LSM8: variants seen among roughly 807,000 people sequenced by gnomAD.
The protein encoded by LSM8 is LSM8 homolog, U6 small nuclear RNA associated.
LSM8 carries 14 observed loss-of-function variants against 15.0 expected under a neutral mutation model. That is an observed-to-expected ratio of 0.93 (90% CI 0.62 to 1.46). LSM8 has a LOEUF of 1.46. Among genes scored for constraint, LSM8 ranks in the 40% most tolerant of loss-of-function variants. LSM8 has a pLI of 0.00. For synonymous variants in LSM8, 50 were observed against 42.1 expected (o/e 1.19, Z -0.73); for missense variants, 90 against 115.4 (o/e 0.78, Z 1.01).
In LSM8 at chr7:118,193,024, G is replaced by T. The variant is rs1562862914; in HGVS notation, c.*1022G>T. Among the ~76,000 whole-genome samples the T allele has an allele frequency of 6.6e-6, 1 of 152,058 alleles. No individual in the cohort carries two copies. Among genetic ancestry groups the T allele is most frequent in the Non-Finnish European group, 1.5e-5 (1 of 67,950 alleles). ...GTGTCTTTGTGATGAGAAGAACATA[G>T]AAAAATATTTACATCCTTGTAATTG... On this transcript the variant is annotated 3_prime_UTR_variant, in exon 4 of 4. Transcript: ENST00000249299.
At position 118,199,911 on chromosome 7, in the gene LSM8, T is replaced by A. The variant is rs1167453687; in HGVS notation, c.*7909T>A. On this transcript the variant is annotated 3_prime_UTR_variant, in exon 4 of 4. Transcript: ENST00000249299. Reference sequence around the variant, plus strand: ...TATAGCAATTTAATAAATGTGTTATTGTCAATGTAGGCATTTTGCTCATAG... The same window carrying A: ...TATAGCAATTTAATAAATGTGTTATAGTCAATGTAGGCATTTTGCTCATAG... Among the ~76,000 whole-genome samples, 1 of 152,136 alleles carries A rather than the reference T, an allele frequency of 6.6e-6. No individual in the cohort carries two copies.
intron 1 of LSM8, 142 bp from the exon 2 acceptor site, chr7:118,185,512 T>G: frequency 1.4e-6 from 1 of 725,044 alleles, no homozygotes. Flanking sequence ...CTTTTAACGT[T>G]TTTATGTAGT....
rs746165853 is a variant in LSM8 at position 118,184,202 on chromosome 7, C to T, written c.-22C>T. 3.9e-6 allele frequency: 6 copies of T among 1,542,942 alleles called. No individual in the cohort carries two copies. Among genetic ancestry groups the T allele is most frequent in the Non-Finnish European group, 4.4e-6 (5 of 1,143,070 alleles). ...TTGCTGTCGGCACCGCTGCGTTACC[C>T]GGAACCGCCGGGCCGAACAGCATGA... On this transcript the variant is annotated 5_prime_UTR_variant, in exon 1 of 4. Coordinates refer to ENST00000249299, the MANE Select transcript of LSM8 (RefSeq NM_016200.5).
rs1809015510 is a variant in LSM8, at chr7:118,193,246, G to A, written c.*1244G>A. Among the ~76,000 whole-genome samples the A allele has an allele frequency of 1.3e-5, 2 of 152,012 alleles. No homozygotes were observed. Among genetic ancestry groups the A allele is most frequent in the Non-Finnish European group, 2.9e-5 (2 of 67,942 alleles). ...ATAAATGAATAGTGGCTGTCTTCCA[G>A]TAAAACTTCATTTATAAAAATGGAG... is the stretch of plus-strand genomic sequence containing the variant. On this transcript the variant is annotated 3_prime_UTR_variant, in exon 4 of 4. Transcript: ENST00000249299.
rs1322104406 is a variant in LSM8, at chr7:118,192,813, A to T, written c.*811A>T. ...TTATAAATGTGAGTAAATAAACTCT[A>T]AGTTTGTATTGAAGTAGTGCTAGCT... is the stretch of plus-strand genomic sequence containing the variant. On this transcript the variant is annotated 3_prime_UTR_variant, in exon 4 of 4. Coordinates refer to ENST00000249299, the MANE Select transcript of LSM8 (RefSeq NM_016200.5). The T allele has an allele frequency of 6.6e-6, 1 of 152,174 alleles. No homozygotes were observed. Among genetic ancestry groups the T allele is most frequent in the African/African-American group, 2.4e-5 (1 of 41,446 alleles). 9.4% of individuals were successfully genotyped at this position (152,174 alleles called of 1,614,324 possible).
chr7:118,192,247 A>G lies in LSM8; in HGVS notation c.*245A>G. On this transcript the variant is annotated 3_prime_UTR_variant, in exon 4 of 4. Coordinates refer to ENST00000249299, the MANE Select transcript of LSM8 (RefSeq NM_016200.5). ...GTGTGAAAATATAATGGGCATTTTG[A>G]AAACTTTTAGAAAAAAGTAGTACTT... 3.2e-6 allele frequency: 1 copy of G among 312,254 alleles called. No individual in the cohort carries two copies. Among genetic ancestry groups the G allele is most frequent in the South Asian group, 6.7e-5 (1 of 14,968 alleles). 19.3% of individuals were successfully genotyped at this position (312,254 alleles called of 1,614,324 possible).
Position 118,197,003 on chromosome 7 carries a change from A to C in LSM8, c.*5001A>C, listed in dbSNP as rs1177794789. Among the ~76,000 whole-genome samples, 1 of 152,010 alleles carries C rather than the reference A, an allele frequency of 6.6e-6. No individual in the cohort carries two copies. The highest frequency in any genetic ancestry group is 1.5e-5 in the Non-Finnish European group (1 of 68,018). Reference sequence around the variant, plus strand: ...CGGCGTCCCAAAGTGCTGGAATTACAGGCATGAACCACCACGCCCAGCCTA... The same window carrying C: ...CGGCGTCCCAAAGTGCTGGAATTACCGGCATGAACCACCACGCCCAGCCTA... On this transcript the variant is annotated 3_prime_UTR_variant, in exon 4 of 4. Transcript: ENST00000249299.
In LSM8 at chr7:118,202,189, A is replaced by G. The variant is rs1809182305; in HGVS notation, c.*10187A>G. On this transcript the variant is annotated 3_prime_UTR_variant, in exon 4 of 4. Coordinates refer to ENST00000249299, the MANE Select transcript of LSM8 (RefSeq NM_016200.5). Reference sequence around the variant, plus strand: ...GTTTTTGTTTTTGCTTGTGTCACACATAATGCTGATGAAGAAACCATGAAG... The same window carrying G: ...GTTTTTGTTTTTGCTTGTGTCACACGTAATGCTGATGAAGAAACCATGAAG... Among the ~76,000 whole-genome samples the G allele has an allele frequency of 6.6e-6, 1 of 152,102 alleles. No homozygotes were observed. The highest frequency in any genetic ancestry group is 6.6e-5 in the Admixed American group (1 of 15,240).
intron 2 of LSM8, among the ~76,000 whole-genome samples, chr7:118,186,935 G>A (rs62466468): frequency 0.069 from 10,430 of 151,944 alleles, 383 homozygotes; most frequent in East Asian, 0.11. Context: ...TATTTTTGTT[G>A]ACAGGGTAGA....
intron 2 of LSM8, among the ~76,000 whole-genome samples, chr7:118,186,995 T>C (rs1041928072): frequency 2.6e-5 from 4 of 152,194 alleles, no homozygotes; most frequent in Non-Finnish European, 5.9e-5. Context: ...GAAAGTGATA[T>C]AAAAAGCATC....
chr7:118,185,503 T>TTTTA, intron 1 of LSM8, 151 bp from the exon 2 acceptor site: 1 of 685,458 alleles, frequency 1.5e-6, no homozygotes, highest in Non-Finnish European at 2.5e-6. Flanking sequence ...TCTAAGAAAC[T>TTTTA]TTTAACGTTT....
rs867117681 is a variant in LSM8, at chr7:118,194,578, G to A, written c.*2576G>A. Among the ~76,000 whole-genome samples, 1 of 151,972 alleles carries A rather than the reference G, an allele frequency of 6.6e-6. No homozygotes were observed. The highest frequency in any genetic ancestry group is 1.9e-4 in the East Asian group (1 of 5,190). ...TTATAACATCCTTCGGAATTTTTAA[G>A]GTAATAATGTGAGATATAAGTATGA... On this transcript the variant is annotated 3_prime_UTR_variant, in exon 4 of 4. Transcript: ENST00000249299.
chr7:118,187,167 TAC>T (rs1808901728), intron 2 of LSM8, among the ~76,000 whole-genome samples: 1 of 152,178 alleles, frequency 6.6e-6, no homozygotes, highest in African/African-American at 2.4e-5. Flanking sequence ...TCTTCCAAGT[TAC>T]AGATTTCATT....
rs1030083610 is a variant in LSM8, at chr7:118,196,520, C to T, written c.*4518C>T. ...TCATTAGTTAACAGTATGCCATCTC[C>T]TACTTACTGGCATCATCTGGGGAAT... is the stretch of plus-strand genomic sequence containing the variant. On this transcript the variant is annotated 3_prime_UTR_variant, in exon 4 of 4. Coordinates refer to ENST00000249299, the MANE Select transcript of LSM8 (RefSeq NM_016200.5). Among the ~76,000 whole-genome samples the T allele has an allele frequency of 1.5e-5, 2 of 131,884 alleles. No individual in the cohort carries two copies. The highest frequency in any genetic ancestry group is 8.0e-5 in the Admixed American group (1 of 12,472). The allele number at this position is 131,884 out of a possible 152,430, so 86.5% of individuals were successfully genotyped here.
chr7:118,185,611 A>G lies in LSM8; in HGVS notation c.32-43A>G, dbSNP rs1271052585. The G allele has an allele frequency of 2.6e-6, 4 of 1,539,696 alleles. No homozygotes were observed. In the African/African-American group the frequency reaches 4.1e-5, roughly 16 times the overall value. On this transcript the variant is annotated intron_variant, in intron 1 of 3. Transcript: ENST00000249299. ...ATTCCCTTGCCAGAGTCTGTTTTCA[A>G]TTTGCATTCCCTAAGAAACACTTTC...
At position 118,195,039 on chromosome 7, in the gene LSM8, A is replaced by G. The variant is rs1018735143; in HGVS notation, c.*3037A>G. Among the ~76,000 whole-genome samples, 4 of 152,318 alleles carry G rather than the reference A, an allele frequency of 2.6e-5. No individual in the cohort carries two copies. Among genetic ancestry groups the G allele is most frequent in the East Asian group, 3.9e-4 (2 of 5,190 alleles). The stretch of plus-strand genomic sequence containing the variant: ...TCTTAAAATCTGCTATCAAGCATCT[A>G]TCAGAAGCCTGATGAGAAATATTCA... On this transcript the variant is annotated 3_prime_UTR_variant, in exon 4 of 4. Coordinates refer to ENST00000249299, the MANE Select transcript of LSM8 (RefSeq NM_016200.5).
chr7:118,190,451 T>TA (rs1808959481), intron 3 of LSM8: 2 of 152,204 alleles, frequency 1.3e-5, no homozygotes, highest in African/African-American at 4.8e-5. Flanking sequence ...AGCATATTGT[T>TA]ATATTTTAAG....
At position 118,184,168 on chromosome 7, in the gene LSM8, C is replaced by G; in HGVS notation, c.-56C>G. The G allele has an allele frequency of 2.6e-6, 4 of 1,543,708 alleles. No individual in the cohort carries two copies. The South Asian group carries it at 4.8e-5, about 18-fold the overall frequency. ...GCTGCCGGGTTCTGGCGCGCCCTTT[C>G]AGTTCTGCTTGCTGTCGGCACCGCT... On this transcript the variant is annotated 5_prime_UTR_variant, in exon 1 of 4. Coordinates refer to ENST00000249299, the MANE Select transcript of LSM8 (RefSeq NM_016200.5).
At position 118,194,023 on chromosome 7, in the gene LSM8, A is replaced by ATC. The variant is rs1265745296; in HGVS notation, c.*2023_*2024dup. On this transcript the variant is annotated 3_prime_UTR_variant, in exon 4 of 4. Coordinates refer to ENST00000249299, the MANE Select transcript of LSM8 (RefSeq NM_016200.5). ...GGATGTGATGACAATATGCCAGATAATCTATGTAATTCTTTATTCCTGGAT... is the reference window on the plus strand; with the variant it reads ...GGATGTGATGACAATATGCCAGATAATCTCTATGTAATTCTTTATTCCTGGAT... 4.6e-5 allele frequency among the ~76,000 whole-genome samples: 7 copies of ATC among 152,274 alleles called. No homozygotes were observed. Among genetic ancestry groups the ATC allele is most frequent in the African/African-American group, 1.7e-4 (7 of 41,576 alleles).
Sources: allele counts gnomAD v4.1 joint callset (sites outside exome capture counted in the v4.1 genomes callset), GRCh38; gene constraint gnomAD v4.1.1; transcripts MANE v1.5; gene names NCBI Gene and HGNC (gene_info 2026-07-23, HGNC 2026-07-21).